Variants in PCDHA2 observed in about 807,000 individuals in gnomAD.
PCDHA2 encodes the protein protocadherin alpha-2.
A neutral mutation model predicts 66.0 loss-of-function variants in PCDHA2; 58 were observed. That is an observed-to-expected ratio of 0.88 (90% CI 0.71 to 1.09). The LOEUF is 1.09. Among genes scored for constraint, PCDHA2 ranks in the 50% least tolerant of loss-of-function variants. The pLI is 0.00. For synonymous variants in PCDHA2, 634 were observed against 554.0 expected (o/e 1.14, Z -2.03); for missense variants, 1,267 against 1,242.3 (o/e 1.02, Z -0.30).
intron 1 of PCDHA2, chr5:140,882,291 G>A: frequency 6.2e-7 from 1 of 1,613,650 alleles, no homozygotes; most frequent in Non-Finnish European, 8.5e-7. Flanking sequence ...TGGCAAGGAG[G>A]CCCAAGACCG....
At chr5:140,948,351 A>G (rs951541212) in intron 1 of PCDHA2, among the ~76,000 whole-genome samples, 1 of 151,646 alleles carries the variant, frequency 6.6e-6, no homozygotes, top group East Asian at 1.9e-4. Flanking sequence ...TTCTAACCTA[A>G]TAAAATGACT....
intron 1 of PCDHA2, chr5:140,812,382 C>T (rs1027211220): frequency 6.6e-6 from 1 of 151,602 alleles, no homozygotes; most frequent in Non-Finnish European, 1.5e-5. Context: ...TTGTTTTTTT[C>T]TTAGTCTAGC....
chr5:140,909,771 C>T (rs907087409), intron 1 of PCDHA2, among the ~76,000 whole-genome samples: 49 of 152,200 alleles, frequency 3.2e-4, no homozygotes, highest in African/African-American at 1.1e-3. Flanking sequence ...TCCAGGGACC[C>T]ACTGGACCCA....
At chr5:140,905,704 T>C (rs960569704) in intron 1 of PCDHA2, among the ~76,000 whole-genome samples, 2 of 152,242 alleles carry the variant, frequency 1.3e-5, no homozygotes, top group African/African-American at 4.8e-5. Context: ...TCATTTATGA[T>C]TTCCTTCAGC....
At chr5:140,952,807 C>T (rs1390694306) in intron 1 of PCDHA2, among the ~76,000 whole-genome samples, 2 of 152,158 alleles carry the variant, frequency 1.3e-5, no homozygotes, top group Admixed American at 6.5e-5. Context: ...CGCAGTTCTG[C>T]AGGCTGTACA....
chr5:140,871,271 C>T (rs1369255733), intron 1 of PCDHA2: 1 of 1,613,830 alleles, frequency 6.2e-7, no homozygotes, highest in African/African-American at 1.3e-5. Context: ...CTGTGGTGGT[C>T]GGCAACGCCC....
At position 140,849,878 on chromosome 5, in the gene PCDHA2, G is replaced by A. The variant is rs2150455933; in HGVS notation, c.2388+52526G>A. On this transcript the variant is annotated intron_variant, in intron 1 of 3. Transcript: ENST00000526136. ...CAGCGTTCGCGCAGTCCGAGTACACGGTGTTCGTGAAGGAGAACAACCCGC... is the reference window on the plus strand; with the variant it reads ...CAGCGTTCGCGCAGTCCGAGTACACAGTGTTCGTGAAGGAGAACAACCCGC... The A allele has an allele frequency of 1.1e-5, 17 of 1,598,602 alleles. 2 individuals are homozygous for A. The Middle Eastern group carries it at 5.1e-4, about 48-fold the overall frequency.
chr5:140,883,701 C>T (rs782806604), intron 1 of PCDHA2: 1 of 1,613,808 alleles, frequency 6.2e-7, no homozygotes, highest in Admixed American at 1.7e-5. Flanking sequence ...TTCACGGTGT[C>T]TGCTCAGGAC....
chr5:140,841,876 G>A lies in PCDHA2; in HGVS notation c.2388+44524G>A, dbSNP rs2150324572. 2.5e-6 allele frequency: 4 copies of A among 1,613,836 alleles called. No homozygotes were observed. The South Asian group carries it at 4.4e-5, about 18-fold the overall frequency. On this transcript the variant is annotated intron_variant, in intron 1 of 3. Transcript: ENST00000526136. Reference sequence around the variant, plus strand: ...ACTTCATGCTAGATGTGAATTCAAAGAACGATGAGAATAAACTGGTTGAGC... The same window carrying A: ...ACTTCATGCTAGATGTGAATTCAAAAAACGATGAGAATAAACTGGTTGAGC...
intron 1 of PCDHA2, among the ~76,000 whole-genome samples, chr5:140,917,740 C>T (rs1257665291): frequency 6.6e-6 from 1 of 152,090 alleles, no homozygotes; most frequent in Non-Finnish European, 1.5e-5. Context: ...TCTAACCTGT[C>T]CCATTGGTCT....
chr5:140,875,179 A>G, intron 1 of PCDHA2: 1 of 444,474 alleles, frequency 2.2e-6, no homozygotes, highest in East Asian at 4.2e-5. Context: ...AAACATTAGA[A>G]TTAAGAGTGA....
At chr5:140,948,227 A>G (rs1214697523) in intron 1 of PCDHA2, among the ~76,000 whole-genome samples, 17 of 151,634 alleles carry the variant, frequency 1.1e-4, no homozygotes, top group African/African-American at 4.1e-4. Flanking sequence ...GTTAGATTTA[A>G]CTTGTATTTT....
chr5:140,886,844 A>G (rs11748231), intron 1 of PCDHA2, among the ~76,000 whole-genome samples: 22,325 of 150,652 alleles, frequency 0.15, 1,711 homozygotes, highest in Middle Eastern at 0.2. Context: ...AAAAAAAAAA[A>G]AAAGAAAGGT....
At chr5:140,828,988 G>C (rs782358243) in intron 1 of PCDHA2, 1 of 1,613,864 alleles carries the variant, frequency 6.2e-7, no homozygotes, top group African/African-American at 1.3e-5. Context: ...ATCGAAATAC[G>C]GGAGAAATAG....
chr5:140,834,178 C>T (rs1772830464), intron 1 of PCDHA2: 2 of 557,246 alleles, frequency 3.6e-6, no homozygotes, highest in Admixed American at 3.3e-5. Flanking sequence ...ACATGATGGC[C>T]ACATGATGTC....
intron 3 of PCDHA2, among the ~76,000 whole-genome samples, chr5:140,994,222 CTA>C (rs1219184690): frequency 6.6e-6 from 1 of 152,168 alleles, no homozygotes; most frequent in Non-Finnish European, 1.5e-5. Context: ...CAGGGTCTGT[CTA>C]TGTTATAATC....
chr5:140,862,768 G>A (rs1409687409), intron 1 of PCDHA2: 1 of 576,568 alleles, frequency 1.7e-6, no homozygotes, highest in Admixed American at 1.9e-5. Flanking sequence ...CAAGAGGTAC[G>A]CGTTGCAGCC....
At chr5:140,948,620 TTAA>T (rs1422284059) in intron 1 of PCDHA2, among the ~76,000 whole-genome samples, 3 of 151,714 alleles carry the variant, frequency 2.0e-5, no homozygotes, top group Non-Finnish European at 4.4e-5. Context: ...CACAAAGTTG[TTAA>T]TAATATTCTC....
intron 1 of PCDHA2, chr5:140,808,963 A>C: frequency 6.2e-7 from 1 of 1,613,576 alleles, no homozygotes; most frequent in Non-Finnish European, 8.5e-7. Flanking sequence ...ACGTGGTGGC[A>C]AAGGTGCGCG....
Sources: allele counts gnomAD v4.1 joint callset (sites outside exome capture counted in the v4.1 genomes callset), GRCh38; gene constraint gnomAD v4.1.1; transcripts MANE v1.5; gene names NCBI Gene and HGNC (gene_info 2026-07-23, HGNC 2026-07-21).